Variants in WWC1 observed in about 807,000 individuals in gnomAD.
WWC1 encodes the protein WW and C2 domain containing 1.
Under a neutral mutation model 138.4 loss-of-function variants are expected in WWC1, and 55 were observed. The ratio of observed to expected loss-of-function variants is 0.40; its 90% CI spans 0.32 to 0.50. WWC1 has a LOEUF of 0.50. WWC1 is among the 20% of genes least tolerant of loss of function. The probability of loss-of-function intolerance (pLI) is 0.72; values close to 1 mark genes in which losing one functional copy is unlikely to be tolerated. For missense variants in WWC1, 1,226 were observed against 1,420.4 expected, an observed-to-expected ratio of 0.86 and a Z score of 2.20; for synonymous variants, 524 against 564.9, an observed-to-expected ratio of 0.93 and a Z score of 1.03.
chr5:168,294,658 G>A (rs1769366192), intron 1 of WWC1, among the ~76,000 whole-genome samples: 1 of 151,968 alleles, frequency 6.6e-6, no homozygotes, highest in Non-Finnish European at 1.5e-5. Flanking sequence ...ACAGAGTCTC[G>A]CTCTGTCGCC....
intron 1 of WWC1, among the ~76,000 whole-genome samples, chr5:168,309,158 C>G (rs1465654283): frequency 6.7e-6 from 1 of 150,000 alleles, no homozygotes; most frequent in Non-Finnish European, 1.5e-5. Flanking sequence ...TCATCCTCAT[C>G]CAGAGGAGGT....
intron 1 of WWC1, among the ~76,000 whole-genome samples, chr5:168,346,491 G>A (rs954018587): frequency 1.3e-5 from 2 of 152,132 alleles, no homozygotes; most frequent in Non-Finnish European, 2.9e-5. Flanking sequence ...CAGAATGAAG[G>A]CATCTGGGGA....
intron 1 of WWC1, among the ~76,000 whole-genome samples, chr5:168,360,667 C>T (rs989202385): frequency 6.6e-6 from 1 of 152,228 alleles, no homozygotes; most frequent in Non-Finnish European, 1.5e-5. Flanking sequence ...GTGCCTTGCC[C>T]AAGGGCATCG....
At chr5:168,355,115 A>T (rs1300441255) in intron 1 of WWC1, among the ~76,000 whole-genome samples, 1 of 152,218 alleles carries the variant, frequency 6.6e-6, no homozygotes. Context: ...ACAGACAGTC[A>T]ACATATCAAC....
chr5:168,310,573 G>T (rs1017319538), intron 1 of WWC1, among the ~76,000 whole-genome samples: 1 of 152,050 alleles, frequency 6.6e-6, no homozygotes, highest in African/African-American at 2.4e-5. Context: ...AGTGGCTCAT[G>T]CCTGTAAATT....
At chr5:168,439,352 G>A (rs749596629) in intron 15 of WWC1, among the ~76,000 whole-genome samples, 2 of 151,648 alleles carry the variant, frequency 1.3e-5, no homozygotes, top group African/African-American at 2.4e-5. Context: ...GCTATTGGCC[G>A]GGTGCCTCAC....
At chr5:168,420,314 T>C (rs979716705) in intron 9 of WWC1, among the ~76,000 whole-genome samples, 1 of 152,100 alleles carries the variant, frequency 6.6e-6, no homozygotes, top group African/African-American at 2.4e-5. Context: ...GGTGGCCTCC[T>C]CCTCCCTCCG....
chr5:168,389,836 A>G (rs1778350498), intron 3 of WWC1, among the ~76,000 whole-genome samples: 3 of 152,118 alleles, frequency 2.0e-5, no homozygotes, highest in Admixed American at 1.3e-4. Flanking sequence ...GTTTAGCAGC[A>G]TCCTTGTTCT....
intron 1 of WWC1, among the ~76,000 whole-genome samples, chr5:168,327,177 G>A (rs865843157): frequency 6.6e-6 from 1 of 152,198 alleles, no homozygotes; most frequent in Admixed American, 6.5e-5. Context: ...AATTGCTCAT[G>A]GTTCTCCAGT....
chr5:168,306,630 T>C (rs1330313611), intron 1 of WWC1, among the ~76,000 whole-genome samples: 2 of 152,174 alleles, frequency 1.3e-5, no homozygotes, highest in Admixed American at 1.3e-4. Flanking sequence ...AGAGTCTTGC[T>C]CTGTGGCCCA....
intron 1 of WWC1, among the ~76,000 whole-genome samples, chr5:168,313,352 A>T (rs1346291331): frequency 1.4e-4 from 22 of 151,864 alleles, no homozygotes; most frequent in Admixed American, 1.4e-3. Flanking sequence ...GAACTTTGGG[A>T]GGCCGAGATG....
At chr5:168,303,086 A>G (rs1006719239) in intron 1 of WWC1, among the ~76,000 whole-genome samples, 1 of 152,200 alleles carries the variant, frequency 6.6e-6, no homozygotes, top group Non-Finnish European at 1.5e-5. Context: ...AGGAGAGGGT[A>G]CTCAATTATC....
chr5:168,315,058 C>T (rs528078931), intron 1 of WWC1, among the ~76,000 whole-genome samples: 4 of 152,240 alleles, frequency 2.6e-5, no homozygotes, highest in East Asian at 1.9e-4. Context: ...GTTTGTTTGA[C>T]GTTGGCATGT....
At chr5:168,376,614 A>G (rs758060144) in intron 2 of WWC1, among the ~76,000 whole-genome samples, 2 of 152,328 alleles carry the variant, frequency 1.3e-5, no homozygotes, top group African/African-American at 2.4e-5. Flanking sequence ...AAAAAAATCA[A>G]TAGCATTTCT....
intron 5 of WWC1, among the ~76,000 whole-genome samples, chr5:168,401,821 A>G (rs146858674): frequency 1.3e-3 from 202 of 152,278 alleles, no homozygotes; most frequent in African/African-American, 4.7e-3. Context: ...CTTCTTGGTA[A>G]TCTTCAGTAG....
chr5:168,422,377 C>T (rs1462223032), intron 10 of WWC1, among the ~76,000 whole-genome samples: 9 of 152,142 alleles, frequency 5.9e-5, no homozygotes, highest in African/African-American at 2.2e-4. Context: ...ACCTGTAATC[C>T]CAGCACTTTG....
chr5:168,453,965 C>T lies in WWC1; in HGVS notation c.2526-3C>T. 6.2e-7 allele frequency: 1 copy of T among 1,611,834 alleles called. No homozygotes were observed. Among genetic ancestry groups the T allele is most frequent in the South Asian group, 1.1e-5 (1 of 90,856 alleles). On this transcript the variant is annotated splice_polypyrimidine_tract_variant and splice_region_variant and intron_variant, in intron 17 of 22. Coordinates refer to ENST00000265293, the MANE Select transcript of WWC1 (RefSeq NM_015238.3). ...GGGTAACCAAAGTGCTTTGTCATCA[C>T]AGGAGGTATGAGGAGACCAGTGAGA...
At chr5:168,468,826 G>T in intron 22 of WWC1, 125 bp from the exon 23 acceptor site, 2 of 964,780 alleles carry the variant, frequency 2.1e-6, no homozygotes, top group Non-Finnish European at 3.2e-6. Context: ...AAGAGGCCAA[G>T]GACGTTGCTA....
chr5:168,304,651 A>G (rs972073575), intron 1 of WWC1, among the ~76,000 whole-genome samples: 1 of 152,118 alleles, frequency 6.6e-6, no homozygotes, highest in Non-Finnish European at 1.5e-5. Flanking sequence ...CTGGGTTTTC[A>G]TGAGCTCTCT....
Sources: allele counts gnomAD v4.1 joint callset (sites outside exome capture counted in the v4.1 genomes callset), GRCh38; gene constraint gnomAD v4.1.1; transcripts MANE v1.5; gene names NCBI Gene and HGNC (gene_info 2026-07-23, HGNC 2026-07-21).